Variants in ARHGEF38 observed in about 807,000 individuals in gnomAD.
The protein encoded by ARHGEF38 is Rho guanine nucleotide exchange factor (GEF) 38.
Under a neutral mutation model 79.9 loss-of-function variants are expected in ARHGEF38, and 79 were observed. That is an observed-to-expected ratio of 0.99 (90% CI 0.82 to 1.19). The LOEUF (loss-of-function observed/expected upper bound fraction) is 1.19, where lower values mean the gene tolerates loss of function less well. Among genes scored for constraint, ARHGEF38 ranks in the 50% most tolerant of loss-of-function variants. The probability of loss-of-function intolerance (pLI) is 0.00; values close to 1 mark genes in which losing one functional copy is unlikely to be tolerated. For synonymous variants in ARHGEF38, 366 were observed against 328.3 expected (o/e 1.11, Z -1.24); for missense variants, 962 against 907.2 (o/e 1.06, Z -0.78).
chr4:105,659,211 AG>A lies in ARHGEF38; in HGVS notation c.1393del (p.Glu465SerfsTer25). On this transcript the variant is annotated frameshift_variant, in exon 10 of 14. Coordinates refer to ENST00000420470, the MANE Select transcript of ARHGEF38 (RefSeq NM_001242729.2). LOFTEE classifies it high-confidence loss of function. ...GGAGAGGAGTCAGACTTGGCCAAAA[AG>A]GAGTATGAGGCCCTCAACGCCCAGC... ...STGEESDLAK[K>X]EYEALNAQLV... The A allele has an allele frequency of 6.5e-7, 1 of 1,536,124 alleles. No homozygotes were observed. The highest frequency in any genetic ancestry group is 2.0e-5 in the Admixed American group (1 of 50,986).
chr4:105,645,648 A>T (rs1729807906), intron 6 of ARHGEF38, among the ~76,000 whole-genome samples: 1 of 152,222 alleles, frequency 6.6e-6, no homozygotes, highest in African/African-American at 2.4e-5. Context: ...AATCCTGGTG[A>T]CATATTGTGG....
chr4:105,671,736 G>A (rs983620612), intron 13 of ARHGEF38, among the ~76,000 whole-genome samples: 2 of 152,116 alleles, frequency 1.3e-5, no homozygotes, highest in Non-Finnish European at 2.9e-5. Flanking sequence ...TTTCACATTT[G>A]CGGTATCCTA....
Position 105,659,178 on chromosome 4 carries a change from G to A in ARHGEF38, c.1358G>A (p.Arg453Gln), listed in dbSNP as rs1051796195. 4 of 1,536,134 alleles carry A rather than the reference G, an allele frequency of 2.6e-6. No homozygotes were observed. The Admixed American group carries it at 5.9e-5, about 23-fold the overall frequency. Residue 453 changes from arginine to glutamine, a missense_variant, in exon 10 of 14, where the codon CGA becomes CAA. By Grantham distance (43) the Arg-to-Gln change is conservative. Coordinates refer to ENST00000420470, the MANE Select transcript of ARHGEF38 (RefSeq NM_001242729.2). ...CTGGATTGCAACAGCTACCTGCAGC[G>A]ATCAACGGGAGAGGAGTCAGACTTG... ...KLLDCNSYLQ[R>Q]STGEESDLAK... is the part of the protein sequence containing the mutation.
At chr4:105,589,043 C>T (rs1037482193) in intron 1 of ARHGEF38, among the ~76,000 whole-genome samples, 6 of 152,198 alleles carry the variant, frequency 3.9e-5, no homozygotes, top group Admixed American at 3.9e-4. Flanking sequence ...TCATTTAACT[C>T]ACTTGTTAGA....
chr4:105,552,919 A>G lies in ARHGEF38; in HGVS notation c.154A>G (p.Arg52Gly), dbSNP rs1313495834. 6.2e-7 allele frequency: 1 copy of G among 1,613,566 alleles called. No individual in the cohort carries two copies. Among genetic ancestry groups the G allele is most frequent in the African/African-American group, 1.3e-5 (1 of 75,002 alleles). ...VSGDHSGTLRRSQSDRTEYNQ... is the reference protein window; with the variant it reads ...VSGDHSGTLRGSQSDRTEYNQ... ...TGGGGACCACTCTGGCACCTTGAGGAGGAGCCAATCTGACAGGACCGAATA... is the reference window on the plus strand; with the variant it reads ...TGGGGACCACTCTGGCACCTTGAGGGGGAGCCAATCTGACAGGACCGAATA... The change falls in exon 1 of 14, where the codon AGG becomes GGG. Residue 52 changes from arginine (R) to glycine (G), a missense_variant. Transcript: ENST00000420470.
intron 10 of ARHGEF38, among the ~76,000 whole-genome samples, chr4:105,661,166 C>A (rs960628953): frequency 3.9e-5 from 6 of 152,152 alleles, no homozygotes; most frequent in African/African-American, 1.4e-4. Flanking sequence ...TTATTTCATT[C>A]ATTTTATCGC....
In ARHGEF38 at chr4:105,635,290, A is replaced by G. The variant is rs558738747; in HGVS notation, c.657-1113A>G. 3.4e-4 allele frequency among the ~76,000 whole-genome samples: 52 copies of G among 152,122 alleles called. 1 individual carries two copies. The highest frequency in any genetic ancestry group is 6.9e-4 in the Non-Finnish European group (47 of 67,990). ...TTTTTAAAAATGATGAACAAATAAA[A>G]AGATGTTATAATATAGTGCCACTAC... On this transcript the variant is annotated intron_variant, in intron 4 of 13. Transcript: ENST00000420470.
In ARHGEF38 at chr4:105,589,242, T is replaced by G. The variant is rs1467342119; in HGVS notation, c.197-6T>G. 7 of 1,603,112 alleles carry G rather than the reference T, an allele frequency of 4.4e-6. No individual in the cohort carries two copies. The Admixed American group carries it at 1.1e-4, about 24-fold the overall frequency. On this transcript the variant is annotated splice_region_variant and splice_polypyrimidine_tract_variant and intron_variant, in intron 1 of 13. Transcript: ENST00000420470. ...TGCCTCACCTGTATATGTTTTCATT[T>G]AACAGAAAAGATGACTCCACAGGGT...
chr4:105,648,363 G>A (rs1328208187), intron 6 of ARHGEF38, among the ~76,000 whole-genome samples, 186 bp from the exon 7 acceptor site: 2 of 152,042 alleles, frequency 1.3e-5, no homozygotes, highest in Non-Finnish European at 2.9e-5. Context: ...GGAGGTCAGT[G>A]GGGTGGGTGC....
intron 13 of ARHGEF38, among the ~76,000 whole-genome samples, chr4:105,672,849 C>G (rs931138259): frequency 6.6e-6 from 1 of 152,164 alleles, no homozygotes; most frequent in African/African-American, 2.4e-5. Flanking sequence ...TGGCAATTAG[C>G]CAGAGACCAC....
chr4:105,660,066 G>A (rs993940978), intron 10 of ARHGEF38, among the ~76,000 whole-genome samples: 1 of 152,082 alleles, frequency 6.6e-6, no homozygotes, highest in Non-Finnish European at 1.5e-5. Flanking sequence ...ACCTGGAGCA[G>A]AAATAATTGT....
chr4:105,556,964 A>C (rs973755120), intron 1 of ARHGEF38, among the ~76,000 whole-genome samples: 1 of 152,180 alleles, frequency 6.6e-6, no homozygotes, highest in African/African-American at 2.4e-5. Context: ...CTTTCAGAGC[A>C]CACAACAACC....
At chr4:105,612,452 A>C (rs1234683794) in intron 2 of ARHGEF38, among the ~76,000 whole-genome samples, 2 of 152,068 alleles carry the variant, frequency 1.3e-5, no homozygotes, top group African/African-American at 4.8e-5. Context: ...TTATCCACCT[A>C]TGACCTCATT....
intron 13 of ARHGEF38, among the ~76,000 whole-genome samples, chr4:105,676,732 A>G (rs1226715768): frequency 6.6e-6 from 1 of 152,150 alleles, no homozygotes; most frequent in African/African-American, 2.4e-5. Context: ...GCCATAAAAT[A>G]ATTTTTAAAT....
At position 105,614,285 on chromosome 4, in the gene ARHGEF38, T is replaced by C. The variant is rs188362001; in HGVS notation, c.508+778T>C. Among the ~76,000 whole-genome samples, 8 of 152,248 alleles carry C rather than the reference T, an allele frequency of 5.3e-5. No homozygotes were observed. In the East Asian group the frequency reaches 1.5e-3, roughly 29 times the overall value. On this transcript the variant is annotated intron_variant, in intron 3 of 13. Transcript: ENST00000420470. ...CACTTAATATACAATAACTCCTCATTACAAAAGTACTAAAACAATTCAGGA... is the reference window on the plus strand; with the variant it reads ...CACTTAATATACAATAACTCCTCATCACAAAAGTACTAAAACAATTCAGGA...
At chr4:105,633,445 G>T (rs1442949205) in intron 4 of ARHGEF38, among the ~76,000 whole-genome samples, 1 of 152,114 alleles carries the variant, frequency 6.6e-6, no homozygotes, top group African/African-American at 2.4e-5. Flanking sequence ...TGGTTTTCCT[G>T]GCCAAGTAAT....
At chr4:105,577,229 C>G (rs1165761134) in intron 1 of ARHGEF38, among the ~76,000 whole-genome samples, 1 of 148,120 alleles carries the variant, frequency 6.8e-6, no homozygotes, top group Admixed American at 6.7e-5. Context: ...TTAGGTATAT[C>G]TCCTAATGCT....
At chr4:105,635,726 G>A (rs542995586) in intron 4 of ARHGEF38, among the ~76,000 whole-genome samples, 53 of 152,150 alleles carry the variant, frequency 3.5e-4, no homozygotes, top group Admixed American at 1.1e-3. Flanking sequence ...GGTGGTGGTG[G>A]TATTTCTTTC....
rs550352275 is a variant in ARHGEF38, at chr4:105,675,710, CA to C, written c.2149-2041del. Among the ~76,000 whole-genome samples the C allele has an allele frequency of 2.0e-3, 304 of 152,272 alleles. 2 individuals are homozygous for C. Among genetic ancestry groups the C allele is most frequent in the Non-Finnish European group, 2.3e-3 (159 of 68,024 alleles). ...TTATAAACAACAGAAATTTATTTCTCACAGTTGTGGAGGCTGGAAGTCCAAG... is the reference window on the plus strand; with the variant it reads ...TTATAAACAACAGAAATTTATTTCTCCAGTTGTGGAGGCTGGAAGTCCAAG... On this transcript the variant is annotated intron_variant, in intron 13 of 13. Coordinates refer to ENST00000420470, the MANE Select transcript of ARHGEF38 (RefSeq NM_001242729.2).
Sources: allele counts gnomAD v4.1 joint callset (sites outside exome capture counted in the v4.1 genomes callset), GRCh38; gene constraint gnomAD v4.1.1; transcripts MANE v1.5; gene names NCBI Gene and HGNC (gene_info 2026-07-23, HGNC 2026-07-21).